Variants in PCBD2 observed in about 807,000 individuals in gnomAD.
PCBD2 encodes pterin-4 alpha-carbinolamine dehydratase 2, also known as pterin-4-alpha-carbinolamine dehydratase 2.
Under a neutral mutation model 16.4 loss-of-function variants are expected in PCBD2, and 12 were observed. The ratio of observed to expected loss-of-function variants is 0.73; its 90% CI spans 0.47 to 1.19. PCBD2 has a LOEUF of 1.19. PCBD2 is among the 50% of genes most tolerant of loss of function. The pLI is 0.00. For synonymous variants in PCBD2, 58 were observed against 61.8 expected (o/e 0.94, Z 0.29); for missense variants, 138 against 156.8 (o/e 0.88, Z 0.64).
At chr5:134,931,739 T>A (rs1336217601) in intron 2 of PCBD2, among the ~76,000 whole-genome samples, 1 of 152,254 alleles carries the variant, frequency 6.6e-6, no homozygotes, top group Non-Finnish European at 1.5e-5. Flanking sequence ...TTTAGGAATG[T>A]CTTAGAGCTT....
At chr5:134,958,461 C>G (rs1210866627) in intron 2 of PCBD2, among the ~76,000 whole-genome samples, 1 of 152,172 alleles carries the variant, frequency 6.6e-6, no homozygotes, top group Non-Finnish European at 1.5e-5. Context: ...CAGGAAGAAC[C>G]CAAGCAGGCA....
chr5:134,906,852 C>G (rs904653724), intron 1 of PCBD2, among the ~76,000 whole-genome samples: 11 of 152,210 alleles, frequency 7.2e-5, no homozygotes, highest in Admixed American at 1.3e-4. Context: ...GGCCTTAGAT[C>G]TAGTTTACTC....
intron 2 of PCBD2, among the ~76,000 whole-genome samples, chr5:134,953,888 T>C (rs1751386108): frequency 6.6e-6 from 1 of 152,172 alleles, no homozygotes; most frequent in East Asian, 1.9e-4. Flanking sequence ...TGAAATAATA[T>C]TTTCTCCTAC....
intron 2 of PCBD2, chr5:134,926,266 T>G (rs1743684282): frequency 5.9e-6 from 2 of 337,166 alleles, no homozygotes; most frequent in South Asian, 1.5e-4. Context: ...CCAGTGTCAG[T>G]TTGAGATAAT....
intron 2 of PCBD2, among the ~76,000 whole-genome samples, chr5:134,930,567 T>C (rs1254531059): frequency 6.6e-6 from 1 of 152,218 alleles, no homozygotes; most frequent in African/African-American, 2.4e-5. Flanking sequence ...CAGCATTGAT[T>C]GTGCCTTTGT....
intron 2 of PCBD2, among the ~76,000 whole-genome samples, chr5:134,941,118 G>GAA (rs764468793): frequency 0.049 from 3,894 of 80,106 alleles, 148 homozygotes; most frequent in African/African-American, 0.13. Flanking sequence ...CCATCTCAAG[G>GAA]AAAAAAAAAA....
chr5:134,909,597 T>C (rs1750741712), intron 1 of PCBD2, among the ~76,000 whole-genome samples: 1 of 152,190 alleles, frequency 6.6e-6, no homozygotes, highest in African/African-American at 2.4e-5. Flanking sequence ...ATTAGAGATA[T>C]AACAGAGAGT....
chr5:134,923,900 G>T, intron 2 of PCBD2: 1 of 394,554 alleles, frequency 2.5e-6, no homozygotes, highest in South Asian at 1.3e-4. Context: ...GTATGGCTAG[G>T]AATAGTCCTG....
At chr5:134,926,883 G>A (rs1209513571) in intron 2 of PCBD2, 5 of 398,542 alleles carry the variant, frequency 1.3e-5, no homozygotes, top group Non-Finnish European at 2.2e-5. Context: ...TCAGGAGAAT[G>A]TGGTTACTAG....
chr5:134,910,132 C>G (rs1159828910), intron 1 of PCBD2, among the ~76,000 whole-genome samples: 2 of 152,146 alleles, frequency 1.3e-5, no homozygotes, highest in Non-Finnish European at 2.9e-5. Flanking sequence ...AGTAAGGGAG[C>G]CAGAGGTGAC....
intron 2 of PCBD2, among the ~76,000 whole-genome samples, chr5:134,938,209 G>A (rs1368506739): frequency 1.3e-5 from 2 of 152,098 alleles, no homozygotes; most frequent in African/African-American, 4.8e-5. Flanking sequence ...CTACGATGTC[G>A]CTGCCTTTTG....
Position 134,960,617 on chromosome 5 carries a change from G to GT in PCBD2, c.330dup (p.Glu111Ter). On this transcript the variant is annotated frameshift_variant, in exon 4 of 4. Coordinates refer to ENST00000254908, the MANE Select transcript of PCBD2 (RefSeq NM_032151.5). LOFTEE classifies it high-confidence loss of function. The stretch of plus-strand genomic sequence containing the variant: ...ATAACTCTCACCTCACATGACTGTG[G>GT]TGAACTGACCAAAAAAGATGTGAAG... 1.2e-6 allele frequency: 2 copies of GT among 1,613,416 alleles called. No homozygotes were observed. Among genetic ancestry groups the GT allele is most frequent in the South Asian group, 2.2e-5 (2 of 91,046 alleles).
intron 2 of PCBD2, chr5:134,928,575 C>T (rs1236659835): frequency 8.9e-6 from 2 of 225,080 alleles, no homozygotes; most frequent in East Asian, 1.7e-4. Context: ...TGGCTCACGC[C>T]TGTAATCCTA....
intron 2 of PCBD2, among the ~76,000 whole-genome samples, chr5:134,922,113 A>AG (rs1750909923): frequency 6.6e-6 from 1 of 152,250 alleles, no homozygotes; most frequent in Non-Finnish European, 1.5e-5. Context: ...AGGCTCAGAC[A>AG]GGGTGAGTAC....
At chr5:134,955,370 C>T (rs1309869481) in intron 2 of PCBD2, among the ~76,000 whole-genome samples, 2 of 143,652 alleles carry the variant, frequency 1.4e-5, no homozygotes, top group Admixed American at 7.1e-5. Context: ...TGCAGTGGTG[C>T]GATCTTGGCT....
chr5:134,906,194 A>ATTTTTTTTTTTTTTTT (rs1158334317), intron 1 of PCBD2, among the ~76,000 whole-genome samples: 10 of 66,522 alleles, frequency 1.5e-4, no homozygotes, highest in African/African-American at 6.8e-4. Context: ...TAATAGAAGA[A>ATTTTTTTTTTTTTTTT]TTTTTTTTTT....
chr5:134,911,983 A>G (rs1750773906), intron 2 of PCBD2, among the ~76,000 whole-genome samples: 1 of 152,148 alleles, frequency 6.6e-6, no homozygotes, highest in African/African-American at 2.4e-5. Context: ...GGCCTAATTT[A>G]TTGGGCTTGA....
chr5:134,905,780 C>T (rs1487106335), intron 1 of PCBD2: 1 of 152,356 alleles, frequency 6.6e-6, no homozygotes, highest in African/African-American at 2.4e-5. Context: ...AAAGTTTTAA[C>T]ATGCAGCACC....
intron 2 of PCBD2, among the ~76,000 whole-genome samples, chr5:134,950,700 C>T (rs888189985): frequency 2.6e-5 from 4 of 152,194 alleles, no homozygotes; most frequent in Non-Finnish European, 4.4e-5. Flanking sequence ...GTATTGCTTA[C>T]ATTCCTTAAA....
Sources: allele counts gnomAD v4.1 joint callset (sites outside exome capture counted in the v4.1 genomes callset), GRCh38; gene constraint gnomAD v4.1.1; transcripts MANE v1.5; gene names NCBI Gene and HGNC (gene_info 2026-07-23, HGNC 2026-07-21).